Variants in OCA2 observed in about 807,000 individuals in gnomAD.
OCA2 encodes the protein OCA2 melanosomal transmembrane protein, also known as P protein.
A neutral mutation model predicts 100.2 loss-of-function variants in OCA2; 77 were observed. That is an observed-to-expected ratio of 0.77 (90% CI 0.64 to 0.93). The LOEUF (loss-of-function observed/expected upper bound fraction) is 0.93, where lower values mean the gene tolerates loss of function less well. Ranked by LOEUF, OCA2 falls within the 40% of genes least tolerant of loss-of-function variation. OCA2 has a pLI of 0.00. For synonymous variants in OCA2, 432 were observed against 439.2 expected (o/e 0.98, Z 0.21); for missense variants, 1,062 against 1,089.1 (o/e 0.98, Z 0.35).
Position 28,079,615 on chromosome 15 carries a change from G to A in OCA2, c.227+2033C>T, listed in dbSNP as rs571285523. On this transcript the variant is annotated intron_variant, in intron 2 of 23. Transcript: ENST00000354638. ...GCTGAGAGCTGCCCCTTGAGGCTGC[G>A]GTTCCCTGTTGCTCCTCCTCCTGGG... is the stretch of plus-strand genomic sequence containing the variant. Among the ~76,000 whole-genome samples the A allele has an allele frequency of 5.9e-5, 9 of 152,272 alleles. No homozygotes were observed. In the South Asian group the frequency reaches 1.9e-3, roughly 32 times the overall value.
chr15:27,893,464 G>C (rs1245107386), intron 19 of OCA2, among the ~76,000 whole-genome samples: 3 of 152,174 alleles, frequency 2.0e-5, no homozygotes, highest in African/African-American at 7.2e-5. Flanking sequence ...GGCAAAAAGA[G>C]CCATATTTTT....
chr15:27,936,872 A>C (rs1229772721), intron 18 of OCA2, among the ~76,000 whole-genome samples: 1 of 152,218 alleles, frequency 6.6e-6, no homozygotes. Flanking sequence ...GAAATGCCTC[A>C]ATTACATCAA....
chr15:27,759,858 T>C (rs533858227), intron 23 of OCA2, among the ~76,000 whole-genome samples: 5 of 152,166 alleles, frequency 3.3e-5, no homozygotes, highest in Admixed American at 1.3e-4. Flanking sequence ...CAATCAAATC[T>C]TGCTGATACT....
At chr15:27,979,873 T>G (rs1567185213) in intron 14 of OCA2, among the ~76,000 whole-genome samples, 1 of 147,052 alleles carries the variant, frequency 6.8e-6, no homozygotes, top group Non-Finnish European at 1.5e-5. Context: ...CTAGTGTTTT[T>G]TTTTTTTTTT....
At chr15:27,844,093 TG>T (rs1224216430) in intron 23 of OCA2, among the ~76,000 whole-genome samples, 1 of 152,174 alleles carries the variant, frequency 6.6e-6, no homozygotes, top group African/African-American at 2.4e-5. Context: ...CTCACCTGTT[TG>T]CAATGTGCAG....
At chr15:27,818,851 T>TG (rs1197910687) in intron 23 of OCA2, among the ~76,000 whole-genome samples, 1 of 152,206 alleles carries the variant, frequency 6.6e-6, no homozygotes, top group Non-Finnish European at 1.5e-5. Flanking sequence ...AAGGCAGGGA[T>TG]GCTTTTTGTC....
chr15:27,796,216 G>GGA (rs1182936973), intron 23 of OCA2, among the ~76,000 whole-genome samples: 16 of 152,240 alleles, frequency 1.1e-4, no homozygotes, highest in Non-Finnish European at 4.4e-5. Flanking sequence ...GGACATCCAT[G>GGA]CTAATTTATT....
intron 19 of OCA2, among the ~76,000 whole-genome samples, chr15:27,919,967 C>A (rs993568122): frequency 2.6e-5 from 4 of 151,994 alleles, no homozygotes; most frequent in Non-Finnish European, 5.9e-5. Flanking sequence ...TTAAATAGAG[C>A]AATCAACTGG....
intron 17 of OCA2, among the ~76,000 whole-genome samples, chr15:27,953,676 T>G (rs1328913898): frequency 6.6e-6 from 1 of 151,998 alleles, no homozygotes; most frequent in Non-Finnish European, 1.5e-5. Flanking sequence ...CTCATGGAAG[T>G]GGAGGTTTTT....
At chr15:28,054,780 A>G (rs1407335739) in intron 2 of OCA2, among the ~76,000 whole-genome samples, 2 of 152,218 alleles carry the variant, frequency 1.3e-5, no homozygotes, top group Non-Finnish European at 2.9e-5. Flanking sequence ...GGTAATTTAT[A>G]AAGAAAAGAG....
chr15:27,758,469 G>A (rs1450980436), intron 23 of OCA2, among the ~76,000 whole-genome samples: 2 of 152,232 alleles, frequency 1.3e-5, no homozygotes, highest in African/African-American at 4.8e-5. Flanking sequence ...CGAGCCAGGG[G>A]TGTTTCAAGT....
the OCA2 span, among the ~76,000 whole-genome samples, chr15:27,733,246 AT>A: frequency 6.6e-6 from 1 of 152,270 alleles, no homozygotes; most frequent in African/African-American, 2.4e-5. Context: ...CAGATAGAAT[AT>A]TTTTTTCCTT....
intron 23 of OCA2, among the ~76,000 whole-genome samples, chr15:27,824,621 TAATATA>T (rs1283169232): frequency 4.4e-4 from 54 of 124,030 alleles, no homozygotes; most frequent in Admixed American, 1.7e-3. Context: ...TATATATATA[TAATATA>T]ATATATATAT....
intron 21 of OCA2, among the ~76,000 whole-genome samples, chr15:27,865,045 G>C (rs150459440): frequency 2.1e-4 from 32 of 152,020 alleles, no homozygotes; most frequent in African/African-American, 7.7e-4. Flanking sequence ...GAAATATCCT[G>C]AACAAATGTG....
At chr15:27,808,672 G>A (rs1318988408) in intron 23 of OCA2, among the ~76,000 whole-genome samples, 1 of 152,192 alleles carries the variant, frequency 6.6e-6, no homozygotes, top group African/African-American at 2.4e-5. Flanking sequence ...AGGCTATGAA[G>A]GATGGGTAGG....
chr15:27,824,602 C>CTCTCTCTCTCTCTCTATATA lies in OCA2; in HGVS notation c.2432+20356_2432+20357insTATATAGAGAGAGAGAGAGA. On this transcript the variant is annotated intron_variant, in intron 23 of 23. Transcript: ENST00000354638. ...TTTCTCTCTCTCTCTCTCTCTCTCTCTATATATATATATATATATAATATA... is the reference window on the plus strand; with the variant it reads ...TTTCTCTCTCTCTCTCTCTCTCTCTCTCTCTCTCTCTCTCTATATATATATATATATATATATATAATATA... Among the ~76,000 whole-genome samples, 51 of 47,588 alleles carry CTCTCTCTCTCTCTCTATATA rather than the reference C, an allele frequency of 1.1e-3. 4 individuals carry two copies. The highest frequency in any genetic ancestry group is 4.4e-3 in the African/African-American group (28 of 6,322). The allele number at this position is 47,588 out of a possible 152,430, so 31.2% of individuals were successfully genotyped here. A position where few individuals can be genotyped will look rare whatever the true frequency, so the allele number is the denominator to read the frequency against.
At chr15:28,027,076 C>T (rs1053847651) in intron 4 of OCA2, among the ~76,000 whole-genome samples, 3 of 152,222 alleles carry the variant, frequency 2.0e-5, no homozygotes, top group Admixed American at 1.3e-4. Context: ...GGAAATGATG[C>T]TTTCAAACAT....
intron 19 of OCA2, among the ~76,000 whole-genome samples, chr15:27,886,810 C>A (rs908538198): frequency 9.2e-5 from 14 of 152,142 alleles, no homozygotes; most frequent in Admixed American, 8.5e-4. Context: ...CCAAGCACAC[C>A]TATAAACCCT....
intron 17 of OCA2, among the ~76,000 whole-genome samples, chr15:27,953,853 C>T (rs1434142378): frequency 6.6e-6 from 1 of 151,626 alleles, no homozygotes. Flanking sequence ...TTTGGTGCTC[C>T]CATAGCCTGA....
Sources: gnomAD v4.1 joint callset for allele counts (sites outside exome capture counted in the v4.1 genomes callset) on GRCh38, gnomAD v4.1.1 for gene constraint, MANE v1.5 for transcripts, NCBI Gene and HGNC (gene_info 2026-07-23, HGNC 2026-07-21) for gene names.